ARHGAP8: variants seen among roughly 807,000 people sequenced by gnomAD.
ARHGAP8 encodes the protein Rho GTPase activating protein 8, also known as rho GTPase-activating protein 8.
ARHGAP8 carries 62 observed loss-of-function variants against 46.1 expected under a neutral mutation model. The observed-to-expected ratio is 1.34, with a 90% CI of 1.10 to 1.66. The LOEUF (loss-of-function observed/expected upper bound fraction) is 1.66, where lower values mean the gene tolerates loss of function less well. Among genes scored for constraint, ARHGAP8 ranks in the 40% most tolerant of loss-of-function variants. The probability of loss-of-function intolerance (pLI) is 0.00; values close to 1 mark genes in which losing one functional copy is unlikely to be tolerated. For missense variants in ARHGAP8, 923 were observed against 568.4 expected, an observed-to-expected ratio of 1.62 and a Z score of -6.34; for synonymous variants, 375 against 243.1, an observed-to-expected ratio of 1.54 and a Z score of -5.05.
intron 7 of ARHGAP8, among the ~76,000 whole-genome samples, chr22:44,839,878 A>G (rs1298403303): frequency 6.6e-6 from 1 of 152,236 alleles, no homozygotes; most frequent in Non-Finnish European, 1.5e-5. Context: ...GAACTCGGCC[A>G]GGCGAGTTTG....
rs1724259980 is a variant in ARHGAP8, at chr22:44,849,450, G to A, written c.877+390G>A. Reference sequence around the variant, plus strand: ...AAAGGGCTCTCGGCATTTCTCCCCAGATCATTGTAGGATGCCAAGCATATA... The same window carrying A: ...AAAGGGCTCTCGGCATTTCTCCCCAAATCATTGTAGGATGCCAAGCATATA... On this transcript the variant is annotated intron_variant, in intron 10 of 11. Coordinates refer to ENST00000356099, the MANE Select transcript of ARHGAP8 (RefSeq NM_181335.3). 2.2e-4 allele frequency: 56 copies of A among 252,158 alleles called. No individual in the cohort carries two copies. In the South Asian group the frequency reaches 3.0e-3, roughly 13 times the overall value. 15.6% of individuals were successfully genotyped at this position (252,158 alleles called of 1,614,324 possible).
At chr22:44,768,330 C>T (rs1300138275) in intron 1 of ARHGAP8, among the ~76,000 whole-genome samples, 2 of 151,298 alleles carry the variant, frequency 1.3e-5, no homozygotes, top group South Asian at 2.1e-4. Context: ...GACAGCGTCT[C>T]ACTCTTTCAC....
chr22:44,860,035 A>C (rs533708366), intron 11 of ARHGAP8, among the ~76,000 whole-genome samples: 4 of 151,946 alleles, frequency 2.6e-5, no homozygotes, highest in African/African-American at 4.8e-5. Context: ...TGCCTGTCAG[A>C]CAGGGCGTAC....
Position 44,861,626 on chromosome 22 carries a change from A to T in ARHGAP8, c.982-649A>T, listed in dbSNP as rs556894693. Among the ~76,000 whole-genome samples the T allele has an allele frequency of 4.6e-5, 7 of 152,174 alleles. 1 individual carries two copies. In the South Asian group the frequency reaches 1.5e-3, roughly 32 times the overall value. ...CTGACTGAGGTTCCCCCCAGCTTGA[A>T]TCTTGTAGGGAGGCAAGGAGCAGAG... On this transcript the variant is annotated intron_variant, in intron 11 of 11. Coordinates refer to ENST00000356099, the MANE Select transcript of ARHGAP8 (RefSeq NM_181335.3).
intron 11 of ARHGAP8, among the ~76,000 whole-genome samples, chr22:44,860,892 G>A (rs1234744104): frequency 6.6e-6 from 1 of 152,148 alleles, no homozygotes; most frequent in Non-Finnish European, 1.5e-5. Context: ...AGCAGAGTAG[G>A]CGTCACATCC....
intron 4 of ARHGAP8, 27 bp downstream of exon 4, chr22:44,808,465 G>A (rs369378992): frequency 6.3e-5 from 101 of 1,611,926 alleles, no homozygotes; most frequent in Non-Finnish European, 2.7e-5. Context: ...CTTCAGGGAC[G>A]TGGGTGTGGG....
chr22:44,841,779 G>A (rs1005386877), intron 7 of ARHGAP8, among the ~76,000 whole-genome samples: 1 of 152,142 alleles, frequency 6.6e-6, no homozygotes, highest in Non-Finnish European at 1.5e-5. Context: ...GCCAAACTAC[G>A]CTGTCTCCTT....
intron 2 of ARHGAP8, among the ~76,000 whole-genome samples, chr22:44,799,987 A>C (rs1928365811): frequency 9.8e-6 from 1 of 102,328 alleles, no homozygotes; most frequent in Non-Finnish European, 2.0e-5. Flanking sequence ...GGGGTGGGGC[A>C]AGGTGGGGTT....
intron 3 of ARHGAP8, among the ~76,000 whole-genome samples, chr22:44,806,220 T>C (rs1459201039): frequency 6.6e-6 from 1 of 152,200 alleles, no homozygotes; most frequent in Non-Finnish European, 1.5e-5. Context: ...GACCTGGGTT[T>C]TTCTGAGAAA....
At chr22:44,824,685 T>G (rs1233094526) in intron 6 of ARHGAP8, among the ~76,000 whole-genome samples, 2 of 148,684 alleles carry the variant, frequency 1.3e-5, no homozygotes, top group Non-Finnish European at 3.0e-5. Context: ...CAGGCTGGAG[T>G]GCAATGGCGC....
chr22:44,861,554 C>T (rs1370169499), intron 11 of ARHGAP8, among the ~76,000 whole-genome samples: 3 of 152,186 alleles, frequency 2.0e-5, no homozygotes, highest in Admixed American at 6.5e-5. Context: ...TGCCTCCCTC[C>T]AGTTCTCTGC....
chr22:44,757,603 C>G (rs184332784), intron 1 of ARHGAP8, among the ~76,000 whole-genome samples: 11 of 152,152 alleles, frequency 7.2e-5, no homozygotes, highest in Admixed American at 5.2e-4. Flanking sequence ...AAATTCCTTC[C>G]AAACTTTAAC....
intron 7 of ARHGAP8, among the ~76,000 whole-genome samples, chr22:44,839,629 C>T (rs1161802196): frequency 6.6e-6 from 1 of 152,168 alleles, no homozygotes; most frequent in Non-Finnish European, 1.5e-5. Flanking sequence ...GGTCACCTGG[C>T]CTCTCCTAGT....
chr22:44,787,940 TC>T (rs34697504), intron 2 of ARHGAP8, among the ~76,000 whole-genome samples: 9,824 of 118,080 alleles, frequency 0.083, 417 homozygotes, highest in Middle Eastern at 0.11. Flanking sequence ...TTTTTTTTTT[TC>T]CCCCCAAATG....
At chr22:44,859,460 G>T (rs553215036) in intron 10 of ARHGAP8, among the ~76,000 whole-genome samples, 1 of 152,166 alleles carries the variant, frequency 6.6e-6, no homozygotes, top group African/African-American at 2.4e-5. Context: ...AGCTGAACAG[G>T]TGCTGGTGCC....
chr22:44,858,819 T>G (rs1171310530), intron 10 of ARHGAP8, among the ~76,000 whole-genome samples: 7 of 150,970 alleles, frequency 4.6e-5, no homozygotes, highest in Non-Finnish European at 1.0e-4. Context: ...GTGTGGGCGA[T>G]TTGTGGTGCT....
chr22:44,839,742 A>T (rs1931530102), intron 7 of ARHGAP8, among the ~76,000 whole-genome samples: 1 of 152,226 alleles, frequency 6.6e-6, no homozygotes, highest in Admixed American at 6.5e-5. Context: ...GGTGGGTTTC[A>T]TTCGGGCCCT....
At chr22:44,829,912 G>A (rs762476334) in intron 7 of ARHGAP8, among the ~76,000 whole-genome samples, 4 of 152,164 alleles carry the variant, frequency 2.6e-5, no homozygotes, top group Non-Finnish European at 2.9e-5. Context: ...GAAACCTGAG[G>A]CCTGTGTGGG....
chr22:44,810,660 G>C (rs747464469), intron 4 of ARHGAP8, among the ~76,000 whole-genome samples: 2 of 152,228 alleles, frequency 1.3e-5, no homozygotes, highest in Non-Finnish European at 2.9e-5. Flanking sequence ...CCTTTGAGCT[G>C]CCTGTGGAGT....
Sources: allele counts gnomAD v4.1 joint callset (sites outside exome capture counted in the v4.1 genomes callset), GRCh38; gene constraint gnomAD v4.1.1; transcripts MANE v1.5; gene names NCBI Gene and HGNC (gene_info 2026-07-23, HGNC 2026-07-21).